CNTN4: variants seen among roughly 807,000 people sequenced by gnomAD.
CNTN4 encodes contactin 4, also known as contactin-4.
Under a neutral mutation model 122.5 loss-of-function variants are expected in CNTN4, and 77 were observed. That is an observed-to-expected ratio of 0.63 (90% CI 0.52 to 0.76). The LOEUF is 0.76. Ranked by LOEUF, CNTN4 falls within the 30% of genes least tolerant of loss-of-function variation. The probability of loss-of-function intolerance (pLI) is 0.00; values close to 1 mark genes in which losing one functional copy is unlikely to be tolerated. For synonymous variants in CNTN4, 512 were observed against 447.0 expected, an observed-to-expected ratio of 1.15 and a Z score of -1.83; for missense variants, 1,256 against 1,259.1, an observed-to-expected ratio of 1.00 and a Z score of 0.04.
At chr3:2,744,387 A>G (rs7640846) in intron 5 of CNTN4, among the ~76,000 whole-genome samples, 130,904 of 152,238 alleles carry the variant, frequency 0.86, 56,666 homozygotes, top group Non-Finnish European at 0.92. Context: ...CACACACACA[A>G]ATATTTAAAT....
intron 4 of CNTN4, among the ~76,000 whole-genome samples, chr3:2,685,001 G>A (rs2085358082): frequency 6.6e-6 from 1 of 152,152 alleles, no homozygotes; most frequent in African/African-American, 2.4e-5. Context: ...TTACATTCTT[G>A]TGAAATGAAA....
At chr3:2,645,563 C>T (rs188034314) in intron 4 of CNTN4, among the ~76,000 whole-genome samples, 1 of 152,208 alleles carries the variant, frequency 6.6e-6, no homozygotes, top group East Asian at 1.9e-4. Context: ...GGGTTGAATT[C>T]ACATTAGTAG....
chr3:3,051,184 ACAG>A (rs1553741776), intron 23 of CNTN4, among the ~76,000 whole-genome samples: 1 of 152,238 alleles, frequency 6.6e-6, no homozygotes, highest in Non-Finnish European at 1.5e-5. Context: ...TTTAGAACAC[ACAG>A]TGTTCAGACA....
chr3:2,230,872 C>T (rs749461095), intron 2 of CNTN4, among the ~76,000 whole-genome samples: 11 of 151,936 alleles, frequency 7.2e-5, no homozygotes, highest in Non-Finnish European at 1.3e-4. Flanking sequence ...CCTCTAGTCC[C>T]AGTTACTCAG....
rs190527021 is a variant in CNTN4 at position 2,254,939 on chromosome 3, T to C, written c.-144-84239T>C. ...CTTTTGTTGCCGTTGGTTTTGGTGT[T>C]TTAGTCATGAAGTCTTTGCCCATGC... On this transcript the variant is annotated intron_variant, in intron 2 of 24. Transcript: ENST00000418658. 2.0e-5 allele frequency among the ~76,000 whole-genome samples: 3 copies of C among 152,292 alleles called. No individual in the cohort carries two copies. The East Asian group carries it at 5.8e-4, about 29-fold the overall frequency.
chr3:2,593,308 A>G (rs1312283114), intron 4 of CNTN4, among the ~76,000 whole-genome samples: 4 of 152,196 alleles, frequency 2.6e-5, no homozygotes, highest in South Asian at 2.1e-4. Flanking sequence ...TTTAACTCCA[A>G]TAAATAACAT....
At chr3:2,771,329 GCCAGTGAAAATTGAAA>G (rs2149773394) in intron 6 of CNTN4, among the ~76,000 whole-genome samples, 1 of 152,292 alleles carries the variant, frequency 6.6e-6, no homozygotes, top group Non-Finnish European at 1.5e-5. Flanking sequence ...TCTATGTGAA[GCCAGTGAAAATTGAAA>G]CTGAAAAATA....
At chr3:2,856,411 A>G (rs2093618606) in intron 7 of CNTN4, among the ~76,000 whole-genome samples, 1 of 152,236 alleles carries the variant, frequency 6.6e-6, no homozygotes, top group Non-Finnish European at 1.5e-5. Flanking sequence ...TAAGTAAAGC[A>G]GGGAAACACG....
intron 3 of CNTN4, among the ~76,000 whole-genome samples, chr3:2,386,582 T>C (rs2046264911): frequency 6.6e-6 from 1 of 152,216 alleles, no homozygotes; most frequent in African/African-American, 2.4e-5. Context: ...GACGTTTATG[T>C]AAGAGAAGCA....
intron 2 of CNTN4, among the ~76,000 whole-genome samples, chr3:2,210,199 A>T (rs1456702389): frequency 6.6e-6 from 1 of 152,202 alleles, no homozygotes; most frequent in African/African-American, 2.4e-5. Flanking sequence ...AGCTGATTTT[A>T]AAAAATGATA....
At chr3:2,725,726 A>C (rs2088179708) in intron 4 of CNTN4, among the ~76,000 whole-genome samples, 1 of 152,196 alleles carries the variant, frequency 6.6e-6, no homozygotes, top group Admixed American at 6.5e-5. Flanking sequence ...AAGTACAGAC[A>C]CAAAAATGAA....
intron 2 of CNTN4, among the ~76,000 whole-genome samples, chr3:2,112,459 A>G (rs1382336481): frequency 2.0e-5 from 3 of 152,176 alleles, no homozygotes; most frequent in African/African-American, 7.2e-5. Context: ...TATTATTAAC[A>G]TGCATGTAAA....
At chr3:2,864,994 G>A (rs978134990) in intron 7 of CNTN4, among the ~76,000 whole-genome samples, 5 of 152,052 alleles carry the variant, frequency 3.3e-5, no homozygotes, top group African/African-American at 1.2e-4. Context: ...GGACTGCATT[G>A]CGATGCTGTT....
intron 12 of CNTN4, among the ~76,000 whole-genome samples, chr3:2,912,773 A>T (rs1459492702): frequency 6.6e-6 from 1 of 152,246 alleles, no homozygotes; most frequent in Non-Finnish European, 1.5e-5. Flanking sequence ...CTATATAATT[A>T]CAGTGGTAAC....
chr3:2,252,445 C>T (rs991753388), intron 2 of CNTN4, among the ~76,000 whole-genome samples: 3 of 151,852 alleles, frequency 2.0e-5, no homozygotes, highest in Non-Finnish European at 2.9e-5. Flanking sequence ...AAAATAAAAA[C>T]GACTTAGTCT....
At chr3:2,179,989 A>G (rs1404143303) in intron 2 of CNTN4, among the ~76,000 whole-genome samples, 1 of 151,610 alleles carries the variant, frequency 6.6e-6, no homozygotes. Context: ...GATTTTACTT[A>G]TAGCACATCT....
At chr3:2,691,956 A>C (rs1211568142) in intron 4 of CNTN4, among the ~76,000 whole-genome samples, 1 of 152,184 alleles carries the variant, frequency 6.6e-6, no homozygotes, top group African/African-American at 2.4e-5. Flanking sequence ...CCTGCTAGGG[A>C]CGGTGACATT....
intron 2 of CNTN4, among the ~76,000 whole-genome samples, chr3:2,130,707 A>G (rs1481969069): frequency 6.6e-6 from 1 of 152,182 alleles, no homozygotes; most frequent in Non-Finnish European, 1.5e-5. Context: ...CCTAGAGAGA[A>G]CTGTGTGGTG....
chr3:2,280,891 A>C, intron 2 of CNTN4, among the ~76,000 whole-genome samples: 1 of 152,208 alleles, frequency 6.6e-6, no homozygotes, highest in East Asian at 1.9e-4. Flanking sequence ...AATGCACGTC[A>C]CACTGGCATC....
Sources: allele counts gnomAD v4.1 joint callset (sites outside exome capture counted in the v4.1 genomes callset), GRCh38; gene constraint gnomAD v4.1.1; transcripts MANE v1.5; gene names NCBI Gene and HGNC (gene_info 2026-07-23, HGNC 2026-07-21).